The following DDX6 variants were observed in gnomAD, a reference collection of about 807,000 sequenced individuals.
DDX6 encodes the protein DEAD-box helicase 6.
DDX6 carries 7 observed loss-of-function variants against 60.6 expected under a neutral mutation model. The ratio of observed to expected loss-of-function variants is 0.12; its 90% CI spans 0.07 to 0.22. DDX6 has a LOEUF of 0.22. Among genes scored for constraint, DDX6 ranks in the 10% least tolerant of loss-of-function variants. The probability of loss-of-function intolerance (pLI) is 1.00; values close to 1 mark genes in which losing one functional copy is unlikely to be tolerated. For synonymous variants in DDX6, 207 were observed against 201.0 expected (o/e 1.03, Z -0.25); for missense variants, 270 against 589.9 (o/e 0.46, Z 5.62).
chr11:118,760,735 C>T (rs1555159970), intron 7 of DDX6, among the ~76,000 whole-genome samples: 1 of 150,360 alleles, frequency 6.7e-6, no homozygotes, highest in African/African-American at 2.5e-5. Context: ...GCAGGAGAAT[C>T]GCTTGAACTT....
rs1284008673 is a variant in DDX6, at chr11:118,750,896, T to TTTACTAACACAGGGTAC, written c.*1192_*1208dup. The TTTACTAACACAGGGTAC allele has an allele frequency of 2.0e-5, 3 of 152,482 alleles. No individual in the cohort carries two copies. Among genetic ancestry groups the TTTACTAACACAGGGTAC allele is most frequent in the East Asian group, 3.9e-4 (2 of 5,180 alleles). The allele number at this position is 152,482 out of a possible 1,614,324, so 9.4% of individuals were successfully genotyped here. A position where few individuals can be genotyped will look rare whatever the true frequency, so the allele number is the denominator to read the frequency against. ...AGTACATCCCAGATTTCTGGGCCCC[T>TTTACTAACACAGGGTAC]TTACTAACACAGGGTACCATAGAAA... On this transcript the variant is annotated 3_prime_UTR_variant, in exon 14 of 14. Coordinates refer to ENST00000534980, the MANE Select transcript of DDX6 (RefSeq NM_004397.6).
At chr11:118,765,918 A>C (rs1297067834) in intron 5 of DDX6, among the ~76,000 whole-genome samples, 1 of 151,958 alleles carries the variant, frequency 6.6e-6, no homozygotes, top group Non-Finnish European at 1.5e-5. Flanking sequence ...TAAAAATACA[A>C]AATTAGCTGG....
At chr11:118,770,974 GCAAA>G (rs1220003084) in intron 4 of DDX6, among the ~76,000 whole-genome samples, 4 of 151,996 alleles carry the variant, frequency 2.6e-5, no homozygotes, top group Non-Finnish European at 5.9e-5. Flanking sequence ...TTAAGGTAAA[GCAAA>G]CAAAGAAGAA....
intron 2 of DDX6, among the ~76,000 whole-genome samples, chr11:118,783,444 C>A (rs1050587190): frequency 1.3e-5 from 2 of 152,208 alleles, no homozygotes; most frequent in African/African-American, 4.8e-5. Flanking sequence ...CCACCTCAGC[C>A]TCCCAAAGTG....
rs187620853 is a variant in DDX6 at position 118,755,020 on chromosome 11, T to C, written c.1277-133A>G. On this transcript the variant is annotated intron_variant, in intron 12 of 13. Transcript: ENST00000534980. ...TGCCATTCTTAGTATGCAAAACAACTTCTTAATGGTCTTCAAACACAGGTT... is the reference window on the plus strand; with the variant it reads ...TGCCATTCTTAGTATGCAAAACAACCTCTTAATGGTCTTCAAACACAGGTT... 1.1e-3 allele frequency: 859 copies of C among 809,752 alleles called. 4 individuals are homozygous for C. Among genetic ancestry groups the C allele is most frequent in the South Asian group, 4.8e-3 (250 of 51,942 alleles). The allele number at this position is 809,752 out of a possible 1,614,324, so 50.2% of individuals were successfully genotyped here. A position where few individuals can be genotyped will look rare whatever the true frequency, so the allele number is the denominator to read the frequency against.
chr11:118,752,021 A>C lies in DDX6; in HGVS notation c.*84T>G. On this transcript the variant is annotated 3_prime_UTR_variant, in exon 14 of 14. Coordinates refer to ENST00000534980, the MANE Select transcript of DDX6 (RefSeq NM_004397.6). ...CATAGTTCCAAAATAAAAGATGAAAAACCCACAAAGAGAGGAGCATTCCCC... is the reference window on the plus strand; with the variant it reads ...CATAGTTCCAAAATAAAAGATGAAACACCCACAAAGAGAGGAGCATTCCCC... The C allele has an allele frequency of 3.2e-6, 1 of 313,886 alleles. No homozygotes were observed. Among genetic ancestry groups the C allele is most frequent in the Non-Finnish European group, 6.3e-6 (1 of 159,294 alleles). 19.4% of individuals were successfully genotyped at this position (313,886 alleles called of 1,614,324 possible).
intron 2 of DDX6, 170 bp downstream of exon 2, chr11:118,785,882 G>C: frequency 1.8e-6 from 1 of 547,402 alleles, no homozygotes; most frequent in East Asian, 3.2e-5. Flanking sequence ...AATTATGGCA[G>C]AAATATATTA....
chr11:118,785,393 CAG>C (rs1862041056), intron 2 of DDX6, among the ~76,000 whole-genome samples: 1 of 151,530 alleles, frequency 6.6e-6, no homozygotes. Context: ...TGGGTAGAGA[CAG>C]AGTCTCATTA....
At chr11:118,763,492 A>T (rs1002047745) in intron 6 of DDX6, among the ~76,000 whole-genome samples, 186 bp from the exon 7 acceptor site, 1 of 112 alleles carries the variant, frequency 8.9e-3, no homozygotes, top group East Asian at 0.5. Flanking sequence ...ACATACGTGC[A>T]GCCGTCACTG....
chr11:118,790,507 C>A (rs558963043), intron 1 of DDX6: 1 of 152,320 alleles, frequency 6.6e-6, no homozygotes, highest in East Asian at 1.9e-4. Context: ...TGCTTCTAAA[C>A]CGAGCCCTCC....
chr11:118,757,388 G>A lies in DDX6; in HGVS notation c.994-101C>T, dbSNP rs578232503. ...ACCAGCAAAAAAGAAACATTAACAT[G>A]GTCTAAAACTTAGAATCTCATGATA... On this transcript the variant is annotated intron_variant, in intron 9 of 13. Coordinates refer to ENST00000534980, the MANE Select transcript of DDX6 (RefSeq NM_004397.6). The A allele has an allele frequency of 3.6e-5, 20 of 552,450 alleles. No homozygotes were observed. In the South Asian group the frequency reaches 4.4e-4, roughly 12 times the overall value. 34.2% of individuals were successfully genotyped at this position (552,450 alleles called of 1,614,324 possible).
intron 4 of DDX6, 92 bp from the exon 5 acceptor site, chr11:118,768,444 ATTGCT>A: frequency 7.1e-7 from 1 of 1,403,944 alleles, no homozygotes; most frequent in Non-Finnish European, 9.8e-7. Context: ...CTCTTTCGGT[ATTGCT>A]TTAAGTGTCC....
At chr11:118,770,280 G>A (rs1003620060) in intron 4 of DDX6, among the ~76,000 whole-genome samples, 5 of 152,068 alleles carry the variant, frequency 3.3e-5, no homozygotes, top group South Asian at 2.1e-4. Context: ...CACCGACCTC[G>A]GCCTCCCAAA....
Position 118,748,295 on chromosome 11 carries a change from T to C in DDX6, c.*3810A>G, listed in dbSNP as rs1860629230. Reference sequence around the variant, plus strand: ...GCTAGCTCCCTCTGACCTCATGAACTGTGACAACCTTTGGACACTTAACTC... The same window carrying C: ...GCTAGCTCCCTCTGACCTCATGAACCGTGACAACCTTTGGACACTTAACTC... On this transcript the variant is annotated 3_prime_UTR_variant, in exon 14 of 14. Coordinates refer to ENST00000534980, the MANE Select transcript of DDX6 (RefSeq NM_004397.6). 6.6e-6 allele frequency: 1 copy of C among 152,186 alleles called. No individual in the cohort carries two copies. The highest frequency in any genetic ancestry group is 1.5e-5 in the Non-Finnish European group (1 of 68,030). The allele number at this position is 152,186 out of a possible 1,614,324, so 9.4% of individuals were successfully genotyped here.
rs1555159839 is a variant in DDX6 at position 118,760,088 on chromosome 11, G to C, written c.742-44C>G. On this transcript the variant is annotated intron_variant, in intron 7 of 13. Transcript: ENST00000534980. ...ACAATTTTAAAAACAATAAAATAAT[G>C]TCTAAGGTCTTGGTTAATACATGGT... is the stretch of plus-strand genomic sequence containing the variant. 5 of 1,578,552 alleles carry C rather than the reference G, an allele frequency of 3.2e-6. No homozygotes were observed. In the Admixed American group the frequency reaches 7.1e-5, roughly 22 times the overall value.
At chr11:118,768,164 A>G in intron 5 of DDX6, 59 bp downstream of exon 5, 3 of 1,517,208 alleles carry the variant, frequency 2.0e-6, no homozygotes, top group Non-Finnish European at 2.7e-6. Context: ...TCTTCTACAC[A>G]TGGCTCCAAG....
intron 2 of DDX6, among the ~76,000 whole-genome samples, chr11:118,784,212 C>T (rs559236132): frequency 6.6e-5 from 10 of 152,022 alleles, no homozygotes; most frequent in Non-Finnish European, 1.5e-4. Flanking sequence ...AAAGCATTCA[C>T]CTTAAAAATA....
At chr11:118,772,775 G>GT (rs1167853336) in intron 4 of DDX6, among the ~76,000 whole-genome samples, 1 of 152,124 alleles carries the variant, frequency 6.6e-6, no homozygotes, top group Non-Finnish European at 1.5e-5. Context: ...AAGAGTATTT[G>GT]TTGTGTTTTG....
At chr11:118,758,994 G>C in intron 8 of DDX6, 92 bp from the exon 9 acceptor site, 1 of 1,499,344 alleles carries the variant, frequency 6.7e-7, no homozygotes, top group Non-Finnish European at 9.0e-7. Context: ...GTTTCTGTCC[G>C]ATAAACTCTT....
Sources: allele counts gnomAD v4.1 joint callset (sites outside exome capture counted in the v4.1 genomes callset), GRCh38; gene constraint gnomAD v4.1.1; transcripts MANE v1.5; gene names NCBI Gene and HGNC (gene_info 2026-07-23, HGNC 2026-07-21).